The following SLC25A12 variants were observed in gnomAD, a reference collection of about 807,000 sequenced individuals.
SLC25A12 encodes electrogenic aspartate/glutamate antiporter SLC25A12, mitochondrial.
SLC25A12 carries 32 observed loss-of-function variants against 83.3 expected under a neutral mutation model. The observed-to-expected ratio is 0.38, with a 90% CI of 0.29 to 0.52. The LOEUF is 0.52. Among genes scored for constraint, SLC25A12 ranks in the 20% least tolerant of loss-of-function variants. The pLI is 0.84. For synonymous variants in SLC25A12, 267 were observed against 291.1 expected (o/e 0.92, Z 0.84); for missense variants, 611 against 835.6 (o/e 0.73, Z 3.31).
intron 4 of SLC25A12, among the ~76,000 whole-genome samples, chr2:171,846,391 A>G (rs1335113698): frequency 1.3e-5 from 2 of 152,110 alleles, no homozygotes; most frequent in East Asian, 3.8e-4. Context: ...TTCTTATATA[A>G]TGGTAGAATG....
chr2:171,852,518 T>C (rs1684954965), intron 4 of SLC25A12: 1 of 319,580 alleles, frequency 3.1e-6, no homozygotes, highest in Non-Finnish European at 6.2e-6. Flanking sequence ...AAACTATAAA[T>C]AGCTCCAAAC....
chr2:171,866,370 G>A (rs1188837875), intron 3 of SLC25A12, among the ~76,000 whole-genome samples: 1 of 142,956 alleles, frequency 7.0e-6, no homozygotes, highest in Non-Finnish European at 1.5e-5. Flanking sequence ...ACGGGGTGGT[G>A]GCCGGGCAGA....
intron 3 of SLC25A12, among the ~76,000 whole-genome samples, chr2:171,863,210 TC>T (rs1367234765): frequency 6.6e-6 from 1 of 152,102 alleles, no homozygotes; most frequent in Non-Finnish European, 1.5e-5. Flanking sequence ...GTAGAGAATA[TC>T]TTTTTAAAAA....
chr2:171,881,277 C>T (rs914158235), intron 2 of SLC25A12, among the ~76,000 whole-genome samples: 19 of 152,080 alleles, frequency 1.2e-4, no homozygotes, highest in African/African-American at 4.1e-4. Flanking sequence ...CTCAGCCTCC[C>T]GAGCAGTTGA....
intron 2 of SLC25A12, 116 bp downstream of exon 2, chr2:171,893,088 AT>A: frequency 1.3e-6 from 1 of 794,248 alleles, no homozygotes; most frequent in South Asian, 1.6e-5. Context: ...TTGTCCGGTC[AT>A]GTTTGAAAGA....
At chr2:171,861,739 A>T (rs1181817112) in intron 3 of SLC25A12, among the ~76,000 whole-genome samples, 4 of 152,102 alleles carry the variant, frequency 2.6e-5, no homozygotes, top group Admixed American at 2.6e-4. Flanking sequence ...TTTTCCTTTT[A>T]TCCTGCCATG....
chr2:171,823,959 T>C (rs529564655), intron 9 of SLC25A12, among the ~76,000 whole-genome samples: 4 of 150,394 alleles, frequency 2.7e-5, no homozygotes, highest in East Asian at 3.9e-4. Flanking sequence ...AAAAAAAAAA[T>C]TGTCCTGAGA....
intron 4 of SLC25A12, chr2:171,848,416 G>A: frequency 7.9e-6 from 3 of 380,786 alleles, no homozygotes; most frequent in East Asian, 7.4e-5. Flanking sequence ...CTTATTGTCA[G>A]GGGGAAAAGT....
chr2:171,882,577 T>C (rs966892248), intron 2 of SLC25A12, among the ~76,000 whole-genome samples: 9 of 152,246 alleles, frequency 5.9e-5, no homozygotes, highest in African/African-American at 2.2e-4. Context: ...GTTAAGCTCC[T>C]GATCCACTCA....
At chr2:171,809,425 C>G in intron 13 of SLC25A12, 181 bp downstream of exon 13, 1 of 623,984 alleles carries the variant, frequency 1.6e-6, no homozygotes, top group Non-Finnish European at 2.8e-6. Flanking sequence ...TACCTCTTTT[C>G]TACACTCAAA....
chr2:171,862,378 C>T (rs1246343185), intron 3 of SLC25A12, among the ~76,000 whole-genome samples: 3 of 152,188 alleles, frequency 2.0e-5, no homozygotes, highest in African/African-American at 7.2e-5. Context: ...AAAGTTTAAG[C>T]CACAATCCCA....
At chr2:171,816,432 T>C (rs1204204458) in intron 9 of SLC25A12, among the ~76,000 whole-genome samples, 4 of 152,142 alleles carry the variant, frequency 2.6e-5, no homozygotes, top group East Asian at 3.9e-4. Context: ...TTATCTAAAA[T>C]AGTGTAGTAT....
chr2:171,893,136 T>C, intron 2 of SLC25A12, 69 bp downstream of exon 2: 2 of 1,222,806 alleles, frequency 1.6e-6, no homozygotes, highest in Non-Finnish European at 2.4e-6. Flanking sequence ...AGTTAAGGCA[T>C]GAATAGGACT....
intron 4 of SLC25A12, among the ~76,000 whole-genome samples, chr2:171,848,521 A>C (rs999939943): frequency 6.6e-6 from 1 of 152,228 alleles, no homozygotes; most frequent in Non-Finnish European, 1.5e-5. Context: ...CCTTGTACAT[A>C]GCTGAACAAA....
At chr2:171,802,288 G>A (rs1683724396) in intron 13 of SLC25A12, among the ~76,000 whole-genome samples, 1 of 152,128 alleles carries the variant, frequency 6.6e-6, no homozygotes. Context: ...TTACAGTCAT[G>A]AGCCACCACA....
At chr2:171,803,790 G>A (rs898713130) in intron 13 of SLC25A12, among the ~76,000 whole-genome samples, 6 of 144,528 alleles carry the variant, frequency 4.2e-5, no homozygotes, top group Non-Finnish European at 7.5e-5. Flanking sequence ...ATAGTGAGAC[G>A]CTACCATTAT....
chr2:171,810,371 T>A, intron 11 of SLC25A12, 95 bp from the exon 12 acceptor site: 2 of 972,290 alleles, frequency 2.1e-6, no homozygotes, highest in Non-Finnish European at 3.4e-6. Flanking sequence ...TATTTACCCA[T>A]CAAACATTGC....
At chr2:171,802,071 A>T (rs139935403) in intron 13 of SLC25A12, among the ~76,000 whole-genome samples, 1 of 152,324 alleles carries the variant, frequency 6.6e-6, no homozygotes, top group African/African-American at 2.4e-5. Flanking sequence ...ATACTCATAC[A>T]ACACTCAACA....
chr2:171,868,709 C>A lies in SLC25A12; in HGVS notation c.181G>T (p.Ala61Ser). Residue 61 changes from alanine (A) to serine (S), a missense_variant, in exon 3 of 18, where the codon GCA (alanine) becomes TCA (serine). Ala to Ser is a moderately conservative substitution (Grantham distance 99). Transcript: ENST00000422440. ...NSNPKIVQLLAGVADQTKDGL... is the reference protein window; with the variant it reads ...NSNPKIVQLLSGVADQTKDGL... ...TCCTTGGTTTGATCAGCTACTCCTG[C>A]CAAGAGCTGCACGATCTTTGGGTTA... 1 of 1,613,988 alleles carries A rather than the reference C, an allele frequency of 6.2e-7. No homozygotes were observed. Among genetic ancestry groups the A allele is most frequent in the East Asian group, 2.2e-5 (1 of 44,884 alleles).
Sources: gnomAD v4.1 joint callset for allele counts (sites outside exome capture counted in the v4.1 genomes callset) on GRCh38, gnomAD v4.1.1 for gene constraint, MANE v1.5 for transcripts, NCBI Gene and HGNC (gene_info 2026-07-23, HGNC 2026-07-21) for gene names.